Variants in BIRC6 observed in about 807,000 individuals in gnomAD.
The protein encoded by BIRC6 is baculoviral IAP repeat containing 6.
In BIRC6, 98 loss-of-function variants were observed where a neutral mutation model predicts 503.3. The ratio of observed to expected loss-of-function variants is 0.19; its 90% CI spans 0.17 to 0.23. The LOEUF is 0.23. BIRC6 is among the 10% of genes least tolerant of loss of function. The pLI, the probability that BIRC6 is intolerant of heterozygous loss-of-function variation, is 1.00. For synonymous variants in BIRC6, 2,240 were observed against 2,078.7 expected (o/e 1.08, Z -2.11); for missense variants, 5,360 against 5,806.0 (o/e 0.92, Z 2.50).
intron 71 of BIRC6, among the ~76,000 whole-genome samples, chr2:32,607,025 A>C (rs957852032): frequency 6.6e-6 from 1 of 151,856 alleles, no homozygotes; most frequent in African/African-American, 2.4e-5. Flanking sequence ...AAAAAAAAAA[A>C]ATAGTACATG....
At chr2:32,551,917 A>G (rs2058451701) in intron 65 of BIRC6, among the ~76,000 whole-genome samples, 1 of 152,196 alleles carries the variant, frequency 6.6e-6, no homozygotes, top group Non-Finnish European at 1.5e-5. Flanking sequence ...AGTAGTCCTC[A>G]TAATTTTGCC....
At position 32,617,802 on chromosome 2, in the gene BIRC6, C is replaced by T. The variant is rs371264479; in HGVS notation, c.14472C>T (p.Ala4824=). ...PEGLDPDTDD[A]PEVCRATTGA... Reference sequence around the variant, plus strand: ...GCTTGGATCCTGACACTGACGATGCCCCAGAGGTGTGCAGAGCCACAACAG... The same window carrying T: ...GCTTGGATCCTGACACTGACGATGCTCCAGAGGTGTGCAGAGCCACAACAG... The change falls in exon 74 of 74, where the codon GCC becomes GCT. Residue 4824 remains alanine (A), a synonymous_variant. Coordinates refer to ENST00000421745, the MANE Select transcript of BIRC6 (RefSeq NM_016252.4). The T allele has an allele frequency of 6.2e-7, 1 of 1,613,836 alleles. No homozygotes were observed. Among genetic ancestry groups the T allele is most frequent in the African/African-American group, 1.3e-5 (1 of 74,908 alleles).
intron 3 of BIRC6, among the ~76,000 whole-genome samples, chr2:32,382,227 T>G (rs902459391): frequency 1.3e-5 from 2 of 152,128 alleles, no homozygotes; most frequent in Non-Finnish European, 2.9e-5. Context: ...TGCTACCCAG[T>G]TGGTAACTCA....
intron 67 of BIRC6, 52 bp from the exon 68 acceptor site, chr2:32,594,982 A>T: frequency 1.8e-6 from 2 of 1,126,582 alleles, no homozygotes; most frequent in Non-Finnish European, 2.4e-6. Context: ...TTATTTTTTA[A>T]AATATATACT....
chr2:32,499,981 G>A lies in BIRC6; in HGVS notation c.8903G>A (p.Gly2968Glu), dbSNP rs546119194. The change falls in exon 46 of 74, where the codon GGA becomes GAA. Residue 2968 changes from glycine (G) to glutamate (E), a missense_variant. This residue lies in a region of BIRC6 where 2,299 missense variants were observed against 2,267.2 expected (regional missense o/e 1.01). Transcript: ENST00000421745. ...GTCTCAGGAGGCAAAGATGGCAATGGAAGCAGTACCAGTGTTCAAGGATCG... is the reference window on the plus strand; with the variant it reads ...GTCTCAGGAGGCAAAGATGGCAATGAAAGCAGTACCAGTGTTCAAGGATCG... The part of the protein sequence containing the change: ...EKVSGGKDGN[G>E]SSTSVQGSPA... The A allele has an allele frequency of 1.2e-6, 2 of 1,613,990 alleles. No individual in the cohort carries two copies. The highest frequency in any genetic ancestry group is 1.7e-6 in the Non-Finnish European group (2 of 1,179,876).
intron 39 of BIRC6, among the ~76,000 whole-genome samples, chr2:32,483,083 AT>A (rs1431819860): frequency 7.0e-4 from 53 of 75,318 alleles, no homozygotes; most frequent in African/African-American, 3.0e-3. Flanking sequence ...AAGCCCAGCT[AT>A]TTTTTGTATT....
At position 32,478,685 on chromosome 2, in the gene BIRC6, G is replaced by T; in HGVS notation, c.7119G>T (p.Glu2373Asp). 6.2e-7 allele frequency: 1 copy of T among 1,613,980 alleles called. No individual in the cohort carries two copies. The highest frequency in any genetic ancestry group is 1.1e-5 in the South Asian group (1 of 91,076). ...NATRPTIHLC[E>D]IVNEPQLERL... ...CGAGGCCAACTATTCATCTGTGTGA[G>T]ATTGTGAACGAACCCCAGCTGGAAA... The change falls in exon 36 of 74, where the codon GAG becomes GAT. Residue 2373 changes from glutamate to aspartate, a missense_variant. This residue lies in a region of BIRC6 where 2,299 missense variants were observed against 2,267.2 expected (regional missense o/e 1.01). Transcript: ENST00000421745.
intron 1 of BIRC6, among the ~76,000 whole-genome samples, chr2:32,369,589 G>A (rs531254923): frequency 3.6e-4 from 54 of 151,602 alleles, no homozygotes; most frequent in Middle Eastern, 3.4e-3. Flanking sequence ...CACCACGCCC[G>A]GCTAATTTTT....
chr2:32,471,369 A>G (rs1458427139), intron 32 of BIRC6, among the ~76,000 whole-genome samples: 1 of 152,238 alleles, frequency 6.6e-6, no homozygotes, highest in Non-Finnish European at 1.5e-5. Context: ...AAATGCAGCT[A>G]TGACTTTTGC....
intron 71 of BIRC6, among the ~76,000 whole-genome samples, chr2:32,607,094 C>T (rs1386058045): frequency 6.7e-6 from 1 of 149,802 alleles, no homozygotes; most frequent in African/African-American, 2.5e-5. Flanking sequence ...GTTGTTTAAA[C>T]TCATAAAACA....
At chr2:32,414,492 C>T (rs2042216702) in intron 9 of BIRC6, among the ~76,000 whole-genome samples, 1 of 151,780 alleles carries the variant, frequency 6.6e-6, no homozygotes, top group Admixed American at 6.6e-5. Context: ...CATGGTGAAA[C>T]CCAGGCTCTA....
intron 65 of BIRC6, among the ~76,000 whole-genome samples, chr2:32,567,757 A>G (rs928461803): frequency 2.0e-5 from 3 of 152,194 alleles, no homozygotes. Flanking sequence ...ACATCATCAT[A>G]TAGAAAATGG....
chr2:32,563,597 G>T (rs1250327215), intron 65 of BIRC6: 4 of 152,126 alleles, frequency 2.6e-5, no homozygotes, highest in Non-Finnish European at 4.4e-5. Flanking sequence ...GTATAAAAAG[G>T]AGCAAATGTA....
intron 71 of BIRC6, 131 bp downstream of exon 71, chr2:32,603,214 A>G: frequency 3.3e-6 from 2 of 609,842 alleles, no homozygotes; most frequent in East Asian, 3.0e-5. Context: ...TGCATATTAA[A>G]TAGCTTATAG....
At position 32,499,540 on chromosome 2, in the gene BIRC6, T is replaced by A; in HGVS notation, c.8469-7T>A. On this transcript the variant is annotated splice_region_variant and splice_polypyrimidine_tract_variant and intron_variant, in intron 45 of 73. Transcript: ENST00000421745. ...CTTTTTCTGTCTCTCTCTCTCTCTCTCTGCAGGGGTGCTTTCCAGACAGGC... is the reference window on the plus strand; with the variant it reads ...CTTTTTCTGTCTCTCTCTCTCTCTCACTGCAGGGGTGCTTTCCAGACAGGC... The A allele has an allele frequency of 6.3e-7, 1 of 1,576,096 alleles. No homozygotes were observed. Among genetic ancestry groups the A allele is most frequent in the Non-Finnish European group, 8.6e-7 (1 of 1,162,524 alleles).
At position 32,553,197 on chromosome 2, in the gene BIRC6, CAAAAAAAAAAAAAAAAAAAAAA is replaced by C. The variant is rs763552918; in HGVS notation, c.13144+3732_13144+3753del. On this transcript the variant is annotated intron_variant, in intron 65 of 73. Coordinates refer to ENST00000421745, the MANE Select transcript of BIRC6 (RefSeq NM_016252.4). ...GGGTGACAAGAGTGAAACTCTGTCT[CAAAAAAAAAAAAAAAAAAAAAA>C]AAAAAAAAAAAAAAAGATAAATTCC... 3.4e-4 allele frequency among the ~76,000 whole-genome samples: 12 copies of C among 34,950 alleles called. No individual in the cohort carries two copies. The East Asian group carries it at 0.01, about 30-fold the overall frequency. The allele number at this position is 34,950 out of a possible 152,430, so 22.9% of individuals were successfully genotyped here.
At chr2:32,490,188 T>C (rs1381413258) in intron 43 of BIRC6, 37 bp downstream of exon 43, 1 of 1,458,586 alleles carries the variant, frequency 6.9e-7, no homozygotes, top group African/African-American at 1.4e-5. Flanking sequence ...ATCTCTGACA[T>C]ATACTTTAGT....
chr2:32,591,989 T>A (rs761865956), intron 66 of BIRC6, among the ~76,000 whole-genome samples: 2 of 152,202 alleles, frequency 1.3e-5, no homozygotes, highest in Non-Finnish European at 2.9e-5. Context: ...CAGAATCATG[T>A]CTTTATTAAG....
At chr2:32,528,853 GTGTA>G (rs1189793565) in intron 59 of BIRC6, 2 of 152,042 alleles carry the variant, frequency 1.3e-5, no homozygotes, top group Admixed American at 1.3e-4. Context: ...TAAGGGATGT[GTGTA>G]TGTGTGTATA....
Sources: gnomAD v4.1 joint callset for allele counts (sites outside exome capture counted in the v4.1 genomes callset) on GRCh38, gnomAD v4.1.1 for gene constraint, gnomAD v4.1.1 regional missense constraint, MANE v1.5 for transcripts, NCBI Gene and HGNC (gene_info 2026-07-23, HGNC 2026-07-21) for gene names.